Variants in UNC13C observed in about 807,000 individuals in gnomAD.
UNC13C encodes unc-13 homolog C.
UNC13C carries 174 observed loss-of-function variants against 245.4 expected under a neutral mutation model. That is an observed-to-expected ratio of 0.71 (90% CI 0.63 to 0.80). The LOEUF (loss-of-function observed/expected upper bound fraction) is 0.80, where lower values mean the gene tolerates loss of function less well. Ranked by LOEUF, UNC13C falls within the 30% of genes least tolerant of loss-of-function variation. The probability of loss-of-function intolerance (pLI) is 0.00; values close to 1 mark genes in which losing one functional copy is unlikely to be tolerated. For synonymous variants in UNC13C, 992 were observed against 895.1 expected, an observed-to-expected ratio of 1.11 and a Z score of -1.93; for missense variants, 2,829 against 2,602.9, an observed-to-expected ratio of 1.09 and a Z score of -1.89.
At chr15:54,596,093 A>G (rs149415712) in intron 30 of UNC13C, among the ~76,000 whole-genome samples, 36 of 152,356 alleles carry the variant, frequency 2.4e-4, no homozygotes, top group African/African-American at 7.5e-4. Context: ...TCCAAAACCC[A>G]GCATGACTGA....
intron 2 of UNC13C, among the ~76,000 whole-genome samples, chr15:54,095,476 C>G (rs1348914247): frequency 6.6e-6 from 1 of 152,180 alleles, no homozygotes; most frequent in Non-Finnish European, 1.5e-5. Flanking sequence ...AAGCAACCTT[C>G]TCTACTTTTG....
At chr15:53,981,277 C>T (rs1391188639) in intron 1 of UNC13C, among the ~76,000 whole-genome samples, 4 of 152,110 alleles carry the variant, frequency 2.6e-5, no homozygotes, top group Non-Finnish European at 5.9e-5. Flanking sequence ...TCTTTCCATC[C>T]CATAGTCTTT....
intron 19 of UNC13C, among the ~76,000 whole-genome samples, chr15:54,420,516 G>C (rs1183117299): frequency 6.6e-6 from 1 of 151,748 alleles, no homozygotes; most frequent in African/African-American, 2.4e-5. Flanking sequence ...GAGTATGCGA[G>C]GTGATGAACT....
chr15:54,384,747 T>C (rs2039800872), intron 17 of UNC13C, among the ~76,000 whole-genome samples: 1 of 152,050 alleles, frequency 6.6e-6, no homozygotes, highest in Non-Finnish European at 1.5e-5. Flanking sequence ...AAAGAAAATA[T>C]TTGCAAATTA....
At chr15:54,626,667 C>T (rs1901179918) in intron 32 of UNC13C, among the ~76,000 whole-genome samples, 161 bp from the exon 33 acceptor site, 1 of 152,076 alleles carries the variant, frequency 6.6e-6, no homozygotes, top group South Asian at 2.1e-4. Flanking sequence ...TTAACATTCG[C>T]TTTCTAAGCC....
intron 30 of UNC13C, among the ~76,000 whole-genome samples, chr15:54,582,819 C>G (rs2553227): frequency 0.37 from 55,483 of 151,868 alleles, 10,683 homozygotes; most frequent in East Asian, 0.67. Context: ...CCAGCTGAAA[C>G]AATTTTAAAA....
chr15:54,342,789 TG>T (rs1462106134), intron 17 of UNC13C, among the ~76,000 whole-genome samples: 1 of 149,014 alleles, frequency 6.7e-6, no homozygotes, highest in Non-Finnish European at 1.5e-5. Flanking sequence ...TTTTTGTTTT[TG>T]TTTTTTTTGT....
chr15:54,541,583 G>A (rs1415523165), intron 26 of UNC13C, among the ~76,000 whole-genome samples: 1 of 152,116 alleles, frequency 6.6e-6, no homozygotes, highest in African/African-American at 2.4e-5. Context: ...TGGGACATTG[G>A]AAGACAGGCT....
the UNC13C span, among the ~76,000 whole-genome samples, chr15:53,945,400 A>T: frequency 6.6e-6 from 1 of 152,088 alleles, no homozygotes. Context: ...TCTTTAATTT[A>T]TTTTGAGTTG....
chr15:54,618,987 C>A (rs1172886410), intron 30 of UNC13C, among the ~76,000 whole-genome samples: 1 of 152,206 alleles, frequency 6.6e-6, no homozygotes, highest in Non-Finnish European at 1.5e-5. Flanking sequence ...AAATATTTGT[C>A]TAATGAGTTT....
intron 7 of UNC13C, among the ~76,000 whole-genome samples, chr15:54,245,624 A>C (rs1380096148): frequency 6.6e-6 from 1 of 152,146 alleles, no homozygotes; most frequent in African/African-American, 2.4e-5. Context: ...TTATCCTAGC[A>C]TTGCTCTGTC....
At chr15:54,525,248 AG>A (rs1473156669) in intron 24 of UNC13C, among the ~76,000 whole-genome samples, 5 of 152,280 alleles carry the variant, frequency 3.3e-5, no homozygotes, top group African/African-American at 1.2e-4. Context: ...CATGTTCTGG[AG>A]GATATTTTTG....
At chr15:53,937,100 A>G in the UNC13C span, among the ~76,000 whole-genome samples, 1 of 152,216 alleles carries the variant, frequency 6.6e-6, no homozygotes, top group Non-Finnish European at 1.5e-5. Context: ...CTAAAGGAGC[A>G]TGTTCTAACC....
chr15:54,607,437 G>A (rs1176965732), intron 30 of UNC13C, among the ~76,000 whole-genome samples: 1 of 152,126 alleles, frequency 6.6e-6, no homozygotes, highest in Admixed American at 6.5e-5. Flanking sequence ...TCTTCTACCT[G>A]GGAGTTCCTC....
chr15:54,243,024 G>T (rs2140848262), intron 7 of UNC13C, among the ~76,000 whole-genome samples: 1 of 152,092 alleles, frequency 6.6e-6, no homozygotes, highest in Admixed American at 6.5e-5. Context: ...TGCAGGATGT[G>T]CTTGTTACAC....
chr15:54,436,925 T>G (rs1221440149), intron 19 of UNC13C, among the ~76,000 whole-genome samples: 1 of 151,914 alleles, frequency 6.6e-6, no homozygotes, highest in Non-Finnish European at 1.5e-5. Context: ...AATGAAAAAA[T>G]TATAAGCAAA....
At position 54,455,197 on chromosome 15, in the gene UNC13C, CTCTCTCTCTA is replaced by C. The variant is rs1273337690; in HGVS notation, c.4934-39409_4934-39400del. On this transcript the variant is annotated intron_variant, in intron 19 of 32. Coordinates refer to ENST00000260323, the MANE Select transcript of UNC13C (RefSeq NM_001080534.3). ...TCTCTCTCTCTCTCTCTCTCTCTCT[CTCTCTCTCTA>C]TATATATATATATATATATATATAT... Among the ~76,000 whole-genome samples, 100 of 43,904 alleles carry C rather than the reference CTCTCTCTCTA, an allele frequency of 2.3e-3. 6 individuals carry two copies. Among genetic ancestry groups the C allele is most frequent in the East Asian group, 8.4e-3 (9 of 1,066 alleles). 28.8% of individuals were successfully genotyped at this position (43,904 alleles called of 152,430 possible).
chr15:54,238,861 G>A (rs73411912), intron 7 of UNC13C, among the ~76,000 whole-genome samples: 32,404 of 152,034 alleles, frequency 0.21, 5,357 homozygotes, highest in African/African-American at 0.45. Flanking sequence ...TCTTAAATCC[G>A]GCTCACTGGA....
intron 2 of UNC13C, among the ~76,000 whole-genome samples, chr15:54,114,888 A>C (rs908093142): frequency 6.6e-6 from 1 of 152,134 alleles, no homozygotes; most frequent in African/African-American, 2.4e-5. Context: ...GTGAAATAAT[A>C]TATCACTACT....
Sources: gnomAD v4.1 joint callset for allele counts (sites outside exome capture counted in the v4.1 genomes callset) on GRCh38, gnomAD v4.1.1 for gene constraint, MANE v1.5 for transcripts, NCBI Gene and HGNC (gene_info 2026-07-23, HGNC 2026-07-21) for gene names.